The following EXT1 variants were observed in gnomAD, a reference collection of about 807,000 sequenced individuals.
The protein encoded by EXT1 is exostosin-1.
Under a neutral mutation model 82.5 loss-of-function variants are expected in EXT1, and 20 were observed. The observed-to-expected ratio is 0.24, with a 90% confidence interval of 0.17 to 0.35. The LOEUF (loss-of-function observed/expected upper bound fraction) is 0.35. EXT1 is among the 10% of genes least tolerant of loss of function. The pLI is 1.00. For synonymous variants in EXT1, 348 were observed against 350.8 expected, an observed-to-expected ratio of 0.99 and a Z score of 0.09; for missense variants, 757 against 936.5, an observed-to-expected ratio of 0.81 and a Z score of 2.50.
Position 117,804,925 on chromosome 8 carries a change from G to A in EXT1, c.1884-32C>T, listed in dbSNP as rs779436748. ...AAATCAAAGATGGGTTTCACAGGGG[G>A]CCATTATCACATGATGACAAGTGGA... On this transcript the variant is annotated intron_variant, in intron 9 of 10. Transcript: ENST00000378204. 4.3e-6 allele frequency: 7 copies of A among 1,609,810 alleles called. No individual in the cohort carries two copies. In the South Asian group the frequency reaches 7.7e-5, roughly 18 times the overall value.
chr8:118,104,697 G>C (rs1817777886), intron 1 of EXT1, among the ~76,000 whole-genome samples: 1 of 152,084 alleles, frequency 6.6e-6, no homozygotes, highest in Non-Finnish European at 1.5e-5. Context: ...CTTAGAGTTG[G>C]ACATCCCTAA....
chr8:117,878,300 C>A (rs1813004728), intron 1 of EXT1, among the ~76,000 whole-genome samples: 1 of 152,148 alleles, frequency 6.6e-6, no homozygotes, highest in South Asian at 2.1e-4. Context: ...AATACATATT[C>A]AACCTACTAT....
At chr8:117,966,476 C>T (rs548817707) in intron 1 of EXT1, among the ~76,000 whole-genome samples, 95 of 152,232 alleles carry the variant, frequency 6.2e-4, no homozygotes, top group African/African-American at 2.1e-3. Flanking sequence ...ACTGGGAGGT[C>T]GGAAAGGTTA....
chr8:117,945,779 G>A (rs976773420), intron 1 of EXT1, among the ~76,000 whole-genome samples: 2 of 152,142 alleles, frequency 1.3e-5, no homozygotes, highest in African/African-American at 4.8e-5. Context: ...CTAGGATTAG[G>A]TGTGAGCCAC....
chr8:118,062,191 C>T (rs569317181), intron 1 of EXT1, among the ~76,000 whole-genome samples: 11 of 152,306 alleles, frequency 7.2e-5, no homozygotes, highest in Non-Finnish European at 1.3e-4. Flanking sequence ...AGTCCTTCCC[C>T]GTTGACACAA....
At chr8:117,950,016 G>A (rs1428775448) in intron 1 of EXT1, among the ~76,000 whole-genome samples, 1 of 152,170 alleles carries the variant, frequency 6.6e-6, no homozygotes, top group East Asian at 1.9e-4. Flanking sequence ...CTTGAGGTCA[G>A]GAGTCTGAGA....
In EXT1 at chr8:117,797,596, T is replaced by C. The variant is rs1319214578; in HGVS notation, c.*2116A>G. The C allele has an allele frequency of 6.6e-6, 1 of 152,110 alleles. No homozygotes were observed. The highest frequency in any genetic ancestry group is 1.9e-4 in the East Asian group (1 of 5,198). The allele number at this position is 152,110 out of a possible 1,614,324, so 9.4% of individuals were successfully genotyped here. A position where few individuals can be genotyped will look rare whatever the true frequency, so the allele number is the denominator to read the frequency against. On this transcript the variant is annotated 3_prime_UTR_variant, in exon 11 of 11. Coordinates refer to ENST00000378204, the MANE Select transcript of EXT1 (RefSeq NM_000127.3). ...AGGAGAAACAAGAATAATTTGCCAA[T>C]CCTGAAAAAAATAATTTAAATACAA...
intron 1 of EXT1, among the ~76,000 whole-genome samples, chr8:117,953,832 C>G (rs1037610595): frequency 3.9e-5 from 6 of 152,006 alleles, no homozygotes; most frequent in Non-Finnish European, 8.8e-5. Flanking sequence ...ATCACATGAA[C>G]CCGGGTGGCG....
At chr8:117,828,803 G>T (rs1183140907) in intron 4 of EXT1, among the ~76,000 whole-genome samples, 5 of 152,020 alleles carry the variant, frequency 3.3e-5, no homozygotes, top group Admixed American at 3.3e-4. Context: ...CCAGTTCCAG[G>T]ATGAAAAAAA....
chr8:118,044,229 C>T (rs1378644458), intron 1 of EXT1, among the ~76,000 whole-genome samples: 1 of 152,156 alleles, frequency 6.6e-6, no homozygotes, highest in Non-Finnish European at 1.5e-5. Flanking sequence ...ACACCACAAA[C>T]TTGTTCTTCT....
intron 1 of EXT1, among the ~76,000 whole-genome samples, chr8:117,969,703 A>T (rs1439009145): frequency 6.6e-6 from 1 of 152,100 alleles, no homozygotes; most frequent in Non-Finnish European, 1.5e-5. Context: ...GTGCGCGCGC[A>T]CGCGTGTATG....
Position 117,864,521 on chromosome 8 carries a change from G to A in EXT1, c.963-27320C>T, listed in dbSNP as rs1031269783. Among the ~76,000 whole-genome samples, 43 of 152,234 alleles carry A rather than the reference G, an allele frequency of 2.8e-4. 1 individual carries two copies. The highest frequency in any genetic ancestry group is 2.1e-3 in the Admixed American group (32 of 15,288). ...TCCCAGCACTTTGGGAGGCCGAGGC[G>A]GGCGGATCACGAGGTCAGGAGATCG... On this transcript the variant is annotated intron_variant, in intron 1 of 10. Transcript: ENST00000378204.
At chr8:117,812,477 C>T (rs1018905252) in intron 8 of EXT1, among the ~76,000 whole-genome samples, 5 of 152,130 alleles carry the variant, frequency 3.3e-5, no homozygotes, top group East Asian at 3.9e-4. Flanking sequence ...CAATAGGATA[C>T]GTGGAGAGGA....
chr8:117,941,346 T>C (rs1814269197), intron 1 of EXT1, among the ~76,000 whole-genome samples: 1 of 151,920 alleles, frequency 6.6e-6, no homozygotes, highest in African/African-American at 2.4e-5. Flanking sequence ...AAAATCAGAG[T>C]TCCTAAGCTG....
At chr8:118,109,131 G>A (rs1297789890) in intron 1 of EXT1, among the ~76,000 whole-genome samples, 1 of 152,146 alleles carries the variant, frequency 6.6e-6, no homozygotes, top group Non-Finnish European at 1.5e-5. Context: ...TCCCGTGTCA[G>A]TTACTGTCAC....
chr8:117,933,694 T>C (rs1312617752), intron 1 of EXT1, among the ~76,000 whole-genome samples: 2 of 152,124 alleles, frequency 1.3e-5, no homozygotes, highest in Non-Finnish European at 1.5e-5. Context: ...TCTGGCACAT[T>C]ATAAACCATC....
chr8:117,803,549 AT>A (rs1419956335), intron 10 of EXT1, among the ~76,000 whole-genome samples: 2 of 152,130 alleles, frequency 1.3e-5, no homozygotes, highest in African/African-American at 4.8e-5. Context: ...ATGAATAAAG[AT>A]AGATGAAATT....
In EXT1 at chr8:118,022,638, C is replaced by CA. The variant is rs113277665; in HGVS notation, c.962+87446dup. ...CAGGCATGAGCCACCACGCCTGGCCCAAAAAAAAAAAAGATATATTATTAA... is the reference window on the plus strand; with the variant it reads ...CAGGCATGAGCCACCACGCCTGGCCCAAAAAAAAAAAAAGATATATTATTAA... On this transcript the variant is annotated intron_variant, in intron 1 of 10. Coordinates refer to ENST00000378204, the MANE Select transcript of EXT1 (RefSeq NM_000127.3). 3.5e-3 allele frequency among the ~76,000 whole-genome samples: 475 copies of CA among 137,604 alleles called. 1 individual carries two copies. The highest frequency in any genetic ancestry group is 2.4e-3 in the Non-Finnish European group (154 of 63,016). The allele number at this position is 137,604 out of a possible 152,430, so 90.3% of individuals were successfully genotyped here.
intron 1 of EXT1, among the ~76,000 whole-genome samples, chr8:117,931,727 AT>A (rs914109414): frequency 2.0e-5 from 3 of 152,218 alleles, no homozygotes; most frequent in Non-Finnish European, 4.4e-5. Flanking sequence ...ATGATGCAAA[AT>A]TCCATTACTT....
Sources: gnomAD v4.1 joint callset for allele counts (sites outside exome capture counted in the v4.1 genomes callset) on GRCh38, gnomAD v4.1.1 for gene constraint, MANE v1.5 for transcripts, NCBI Gene and HGNC (gene_info 2026-07-23, HGNC 2026-07-21) for gene names.